Variants in FTCDNL1 observed in about 807,000 individuals in gnomAD.
FTCDNL1 encodes the protein formiminotransferase N-terminal subdomain-containing protein.
A neutral mutation model predicts 5.9 loss-of-function variants in FTCDNL1; 11 were observed. The ratio of observed to expected loss-of-function variants is 1.87; its 90% CI spans 1.18 to 3.10. The LOEUF (loss-of-function observed/expected upper bound fraction) is 3.10. FTCDNL1 is among the 30% of genes most tolerant of loss of function. The pLI is 0.00. For missense variants in FTCDNL1, 115 were observed against 65.5 expected, an observed-to-expected ratio of 1.76 and a Z score of -2.61; for synonymous variants, 58 against 24.8, an observed-to-expected ratio of 2.34 and a Z score of -3.99.
the FTCDNL1 span, among the ~76,000 whole-genome samples, chr2:199,736,439 C>T: frequency 1.3e-5 from 2 of 152,182 alleles, no homozygotes; most frequent in Non-Finnish European, 2.9e-5. Flanking sequence ...CTTGTTAGAA[C>T]TCACAATGTG....
At chr2:199,734,454 T>C in the FTCDNL1 span, among the ~76,000 whole-genome samples, 1 of 152,244 alleles carries the variant, frequency 6.6e-6, no homozygotes, top group Non-Finnish European at 1.5e-5. Flanking sequence ...CTAATGATTT[T>C]ATTGTAGGCA....
chr2:199,817,994 T>C (rs559587625), intron 4 of FTCDNL1, among the ~76,000 whole-genome samples: 86 of 152,344 alleles, frequency 5.6e-4, no homozygotes, highest in Middle Eastern at 6.8e-3. Flanking sequence ...ATATGATTTT[T>C]ATATCAGGTT....
chr2:199,700,665 A>C, the FTCDNL1 span, among the ~76,000 whole-genome samples: 1 of 152,222 alleles, frequency 6.6e-6, no homozygotes. Context: ...GGCTACAGTA[A>C]CCAAAACAGC....
At chr2:199,837,848 T>G (rs755780881) in intron 3 of FTCDNL1, among the ~76,000 whole-genome samples, 1 of 152,344 alleles carries the variant, frequency 6.6e-6, no homozygotes, top group Admixed American at 6.5e-5. Flanking sequence ...TGATACGGCA[T>G]TGTGCAAACA....
intron 3 of FTCDNL1, among the ~76,000 whole-genome samples, chr2:199,766,267 CA>C (rs1035374949): frequency 6.6e-6 from 1 of 152,202 alleles, no homozygotes; most frequent in Non-Finnish European, 1.5e-5. Context: ...CCATTAGGCA[CA>C]AATTTTGAAA....
the FTCDNL1 span, among the ~76,000 whole-genome samples, chr2:199,749,230 C>T: frequency 1.3e-5 from 2 of 152,224 alleles, no homozygotes; most frequent in Admixed American, 1.3e-4. Context: ...TGTCTCTTCT[C>T]TCCAGCCTAG....
At position 199,851,180 on chromosome 2, in the gene FTCDNL1, T is replaced by TCC; in HGVS notation, c.-449_-448insGG. Reference sequence around the variant, plus strand: ...CCGCGCGTGGCCCGCGCGCAGCGTCTGCCGCCGGCTCCGCCTCCCGGACGC... The same window carrying TCC: ...CCGCGCGTGGCCCGCGCGCAGCGTCTCCGCCGCCGGCTCCGCCTCCCGGACGC... On this transcript the variant is annotated 5_prime_UTR_variant, in exon 1 of 5. Transcript: ENST00000420128. 1 of 143,480 alleles carries TCC rather than the reference T, an allele frequency of 7.0e-6. No individual in the cohort carries two copies. 8.9% of individuals were successfully genotyped at this position (143,480 alleles called of 1,614,324 possible).
chr2:199,705,896 A>G, the FTCDNL1 span, among the ~76,000 whole-genome samples: 5 of 152,190 alleles, frequency 3.3e-5, no homozygotes, highest in Non-Finnish European at 7.4e-5. Context: ...CAGCTATGAA[A>G]GGAGGGCAGG....
chr2:199,740,366 T>C, the FTCDNL1 span, among the ~76,000 whole-genome samples: 1 of 152,110 alleles, frequency 6.6e-6, no homozygotes, highest in Admixed American at 6.5e-5. Context: ...CACCAAAAGG[T>C]AGAGTGGGAA....
chr2:199,771,981 A>T (rs1698834883), intron 3 of FTCDNL1, among the ~76,000 whole-genome samples: 1 of 152,250 alleles, frequency 6.6e-6, no homozygotes, highest in Non-Finnish European at 1.5e-5. Context: ...AGAGATCAAC[A>T]GCAGTAGCTA....
At chr2:199,734,261 T>G in the FTCDNL1 span, among the ~76,000 whole-genome samples, 253 of 152,330 alleles carry the variant, frequency 1.7e-3, 2 homozygotes, top group Middle Eastern at 0.01. Context: ...AACTGCTTTT[T>G]AAGAGACAGA....
the FTCDNL1 span, among the ~76,000 whole-genome samples, chr2:199,692,164 C>T: frequency 6.6e-6 from 1 of 152,012 alleles, no homozygotes; most frequent in Admixed American, 6.6e-5. Context: ...TCTTTTAAGG[C>T]CTCAATGATA....
At chr2:199,733,479 A>G in the FTCDNL1 span, among the ~76,000 whole-genome samples, 1 of 152,222 alleles carries the variant, frequency 6.6e-6, no homozygotes, top group Non-Finnish European at 1.5e-5. Context: ...AGAATCAAAT[A>G]TTGCCAAGGC....
chr2:199,746,279 G>A, the FTCDNL1 span, among the ~76,000 whole-genome samples: 4 of 152,168 alleles, frequency 2.6e-5, no homozygotes, highest in Non-Finnish European at 5.9e-5. Flanking sequence ...AGTGGCAACA[G>A]GGCTAGTGGG....
the FTCDNL1 span, among the ~76,000 whole-genome samples, chr2:199,703,445 T>C: frequency 6.6e-6 from 1 of 152,230 alleles, no homozygotes; most frequent in Non-Finnish European, 1.5e-5. Flanking sequence ...TTTTGTTATA[T>C]TGATTGACAT....
intron 3 of FTCDNL1, among the ~76,000 whole-genome samples, chr2:199,833,350 T>C (rs1487762729): frequency 1.4e-5 from 2 of 147,274 alleles, no homozygotes; most frequent in African/African-American, 5.0e-5. Flanking sequence ...GGTTAGTTCA[T>C]GCTGATCAGA....
intron 2 of FTCDNL1, among the ~76,000 whole-genome samples, chr2:199,847,226 C>T (rs1362849701): frequency 6.6e-6 from 1 of 151,482 alleles, no homozygotes; most frequent in Non-Finnish European, 1.5e-5. Context: ...AAAAAAAATA[C>T]AGTTTATATG....
intron 3 of FTCDNL1, among the ~76,000 whole-genome samples, chr2:199,830,660 G>A (rs764384937): frequency 3.9e-5 from 6 of 152,092 alleles, no homozygotes; most frequent in African/African-American, 7.2e-5. Context: ...GAGTTAAAGC[G>A]CGGGGCCCTA....
At chr2:199,690,103 G>T in the FTCDNL1 span, among the ~76,000 whole-genome samples, 2 of 152,120 alleles carry the variant, frequency 1.3e-5, no homozygotes, top group Non-Finnish European at 2.9e-5. Flanking sequence ...ATACATATAT[G>T]TGCATATAGA....
Sources: allele counts gnomAD v4.1 joint callset (sites outside exome capture counted in the v4.1 genomes callset), GRCh38; gene constraint gnomAD v4.1.1; transcripts MANE v1.5; gene names NCBI Gene and HGNC (gene_info 2026-07-23, HGNC 2026-07-21).